Variants in CLASP2 observed in about 807,000 individuals in gnomAD.
CLASP2 encodes cytoplasmic linker associated protein 2.
CLASP2 carries 47 observed loss-of-function variants against 194.4 expected under a neutral mutation model. The observed-to-expected ratio is 0.24, with a 90% confidence interval of 0.19 to 0.31. CLASP2 has a LOEUF of 0.31. Among genes scored for constraint, CLASP2 ranks in the 10% least tolerant of loss-of-function variants. CLASP2 has a pLI of 1.00. For missense variants in CLASP2, 1,445 were observed against 1,823.6 expected, an observed-to-expected ratio of 0.79 and a Z score of 3.78; for synonymous variants, 619 against 633.5, an observed-to-expected ratio of 0.98 and a Z score of 0.34.
At chr3:33,600,717 T>G (rs1255113652) in intron 18 of CLASP2, among the ~76,000 whole-genome samples, 2 of 152,198 alleles carry the variant, frequency 1.3e-5, no homozygotes, top group African/African-American at 4.8e-5. Context: ...ATTCAACCTT[T>G]GTTGAAAATA....
chr3:33,641,590 C>T (rs2081304199), intron 8 of CLASP2, among the ~76,000 whole-genome samples: 1 of 151,776 alleles, frequency 6.6e-6, no homozygotes, highest in Admixed American at 6.6e-5. Flanking sequence ...TTAACATACA[C>T]TAAAGATTAA....
intron 34 of CLASP2, among the ~76,000 whole-genome samples, chr3:33,526,450 AC>A (rs2054587186): frequency 6.6e-6 from 1 of 152,220 alleles, no homozygotes; most frequent in East Asian, 1.9e-4. Flanking sequence ...ATATATATGC[AC>A]CCAACACAGG....
At chr3:33,708,532 A>G (rs1352707569) in intron 1 of CLASP2, among the ~76,000 whole-genome samples, 24 of 32,844 alleles carry the variant, frequency 7.3e-4, no homozygotes, top group African/African-American at 2.9e-3. Context: ...ATGTATATAT[A>G]TATGTATATA....
At chr3:33,506,830 T>A (rs1456331951) in intron 37 of CLASP2, among the ~76,000 whole-genome samples, 3 of 152,218 alleles carry the variant, frequency 2.0e-5, no homozygotes, top group Non-Finnish European at 4.4e-5. Context: ...ATCTATTAAG[T>A]CTACCTTTAT....
Position 33,532,459 on chromosome 3 carries a change from T to A in CLASP2, c.3787+2774A>T, listed in dbSNP as rs554857941. Among the ~76,000 whole-genome samples the A allele has an allele frequency of 2.6e-5, 4 of 152,318 alleles. No individual in the cohort carries two copies. In the South Asian group the frequency reaches 8.3e-4, roughly 32 times the overall value. Reference sequence around the variant, plus strand: ...ATGTGAGATGGATGGTCTTGATGGATGTGCAACAGTATGAATATATTTAAT... The same window carrying A: ...ATGTGAGATGGATGGTCTTGATGGAAGTGCAACAGTATGAATATATTTAAT... On this transcript the variant is annotated intron_variant, in intron 34 of 38. Coordinates refer to ENST00000682230, the MANE Select transcript of CLASP2 (RefSeq NM_001365631.1).
chr3:33,651,170 G>T (rs1009400485), intron 7 of CLASP2, among the ~76,000 whole-genome samples: 10 of 152,078 alleles, frequency 6.6e-5, no homozygotes, highest in Non-Finnish European at 1.5e-4. Context: ...ATCATTTGAG[G>T]CCAGCAGTTT....
At chr3:33,678,253 C>T (rs575657903) in intron 6 of CLASP2, among the ~76,000 whole-genome samples, 44 of 151,856 alleles carry the variant, frequency 2.9e-4, no homozygotes, top group Admixed American at 6.6e-4. Flanking sequence ...GATACCAAAC[C>T]GCAGATCCAG....
At chr3:33,560,085 A>G (rs1329738836) in intron 28 of CLASP2, among the ~76,000 whole-genome samples, 1 of 152,228 alleles carries the variant, frequency 6.6e-6, no homozygotes, top group Non-Finnish European at 1.5e-5. Context: ...CAATCTACAC[A>G]AGAAAGTAGA....
chr3:33,592,220 T>A (rs2068956612), intron 21 of CLASP2, 175 bp downstream of exon 21: 1 of 709,250 alleles, frequency 1.4e-6, no homozygotes, highest in African/African-American at 1.7e-5. Context: ...TACCTTCATT[T>A]TTGTCAGGTG....
chr3:33,559,873 A>C (rs2061534230), intron 28 of CLASP2, among the ~76,000 whole-genome samples: 1 of 152,220 alleles, frequency 6.6e-6, no homozygotes, highest in African/African-American at 2.4e-5. Context: ...CAGCATGGGC[A>C]ACAAGAGTGA....
At chr3:33,682,861 G>A (rs968116297) in intron 6 of CLASP2, 20 of 152,204 alleles carry the variant, frequency 1.3e-4, no homozygotes, top group Non-Finnish European at 2.6e-4. Flanking sequence ...TCTTGAGTGT[G>A]AGAGACTGAG....
chr3:33,699,010 CAG>C (rs1156374049), intron 1 of CLASP2, among the ~76,000 whole-genome samples: 1 of 152,038 alleles, frequency 6.6e-6, no homozygotes, highest in African/African-American at 2.4e-5. Context: ...GGAATTCCAG[CAG>C]AGAGACCAAA....
rs192574393 is a variant in CLASP2 at position 33,534,062 on chromosome 3, G to A, written c.3787+1171C>T. Among the ~76,000 whole-genome samples the A allele has an allele frequency of 2.2e-3, 327 of 151,890 alleles. 1 individual carries two copies. Among genetic ancestry groups the A allele is most frequent in the Non-Finnish European group, 3.9e-3 (263 of 67,918 alleles). On this transcript the variant is annotated intron_variant, in intron 34 of 38. Transcript: ENST00000682230. ...GACACACACAAAAAGAATTATTTATGGGCATAAAGGTTTATGCAGAAATAT... is the reference window on the plus strand; with the variant it reads ...GACACACACAAAAAGAATTATTTATAGGCATAAAGGTTTATGCAGAAATAT...
chr3:33,717,238 CTGATTTTTTTTTCAAAA>C (rs1276756578), intron 1 of CLASP2, among the ~76,000 whole-genome samples: 1 of 152,078 alleles, frequency 6.6e-6, no homozygotes, highest in Non-Finnish European at 1.5e-5. Context: ...AAGTCTTTCA[CTGATTTTTTTTTCAAAA>C]TAAGTGATCA....
intron 7 of CLASP2, among the ~76,000 whole-genome samples, chr3:33,663,039 CAGATAT>C (rs2085537984): frequency 6.6e-6 from 1 of 151,852 alleles, no homozygotes; most frequent in Admixed American, 6.6e-5. Flanking sequence ...AGTCTGTACA[CAGATAT>C]AATAGAACCC....
chr3:33,559,897 A>T (rs1343009820), intron 28 of CLASP2, among the ~76,000 whole-genome samples: 2 of 152,180 alleles, frequency 1.3e-5, no homozygotes, highest in Non-Finnish European at 2.9e-5. Context: ...TCCCTCTCAA[A>T]GAAAAAAAAA....
intron 6 of CLASP2, among the ~76,000 whole-genome samples, chr3:33,677,897 T>A (rs1181240998): frequency 4.7e-4 from 36 of 76,372 alleles, no homozygotes; most frequent in East Asian, 6.8e-4. Context: ...AGTAGATAGG[T>A]AAGAAGAGAG....
At chr3:33,704,532 A>G (rs1348557235) in intron 1 of CLASP2, among the ~76,000 whole-genome samples, 2 of 152,088 alleles carry the variant, frequency 1.3e-5, no homozygotes, top group African/African-American at 4.8e-5. Context: ...CGGGTGGATC[A>G]CCTGAGGTCA....
chr3:33,687,243 G>C (rs2090790259), intron 4 of CLASP2, 108 bp from the exon 5 acceptor site: 1 of 642,874 alleles, frequency 1.6e-6, no homozygotes, highest in Non-Finnish European at 2.7e-6. Flanking sequence ...ATAGTGGACA[G>C]GATGGGCACA....
Sources: allele counts gnomAD v4.1 joint callset (sites outside exome capture counted in the v4.1 genomes callset), GRCh38; gene constraint gnomAD v4.1.1; transcripts MANE v1.5; gene names NCBI Gene and HGNC (gene_info 2026-07-23, HGNC 2026-07-21).